Variants in ASIC2 observed in about 807,000 individuals in gnomAD.
The protein encoded by ASIC2 is acid sensing ion channel subunit 2.
In ASIC2, 25 loss-of-function variants were observed where a neutral mutation model predicts 57.3. The ratio of observed to expected loss-of-function variants is 0.44; its 90% CI spans 0.32 to 0.61. The LOEUF (loss-of-function observed/expected upper bound fraction) is 0.61. Ranked by LOEUF, ASIC2 falls within the 20% of genes least tolerant of loss-of-function variation. The probability of loss-of-function intolerance (pLI) is 0.06; values close to 1 mark genes in which losing one functional copy is unlikely to be tolerated. For synonymous variants in ASIC2, 319 were observed against 307.5 expected, an observed-to-expected ratio of 1.04 and a Z score of -0.39; for missense variants, 641 against 738.1, an observed-to-expected ratio of 0.87 and a Z score of 1.52.
chr17:33,829,446 A>G (rs1913037088), intron 1 of ASIC2, among the ~76,000 whole-genome samples: 1 of 152,198 alleles, frequency 6.6e-6, no homozygotes, highest in Admixed American at 6.5e-5. Flanking sequence ...TGTTGTGGAT[A>G]GTCACCTGGG....
At chr17:33,465,409 G>C (rs1479102028) in intron 1 of ASIC2, among the ~76,000 whole-genome samples, 2 of 112,684 alleles carry the variant, frequency 1.8e-5, no homozygotes, top group African/African-American at 3.5e-5. Context: ...GTCTCACTCT[G>C]TCTCCCAGGC....
chr17:33,798,530 G>A (rs923658358), intron 1 of ASIC2, among the ~76,000 whole-genome samples: 5 of 152,194 alleles, frequency 3.3e-5, no homozygotes, highest in Non-Finnish European at 5.9e-5. Context: ...CACAAATCCA[G>A]CACCTGGCTC....
At chr17:33,503,014 C>G (rs996376258) in intron 1 of ASIC2, among the ~76,000 whole-genome samples, 1 of 152,250 alleles carries the variant, frequency 6.6e-6, no homozygotes, top group Non-Finnish European at 1.5e-5. Context: ...TTGATAATAC[C>G]TTGTGATTCA....
intron 1 of ASIC2, among the ~76,000 whole-genome samples, chr17:33,166,536 C>T (rs1437678815): frequency 1.3e-5 from 2 of 152,162 alleles, no homozygotes; most frequent in Non-Finnish European, 2.9e-5. Context: ...CTGAACTCTG[C>T]CCCCTCCCTA....
intron 1 of ASIC2, among the ~76,000 whole-genome samples, chr17:33,875,681 A>G (rs969117547): frequency 2.0e-5 from 3 of 152,148 alleles, no homozygotes; most frequent in Non-Finnish European, 4.4e-5. Flanking sequence ...CCCAACTTCT[A>G]TCTGTGCACT....
intron 1 of ASIC2, among the ~76,000 whole-genome samples, chr17:33,756,879 T>C (rs1177971775): frequency 6.6e-6 from 1 of 152,242 alleles, no homozygotes; most frequent in African/African-American, 2.4e-5. Context: ...TAGGGTCTTA[T>C]AGTTCTGGAC....
chr17:33,893,836 A>G (rs1915022510), intron 1 of ASIC2, among the ~76,000 whole-genome samples: 1 of 152,202 alleles, frequency 6.6e-6, no homozygotes, highest in Admixed American at 6.5e-5. Flanking sequence ...CACTCAACAA[A>G]TATTCCTATT....
intron 1 of ASIC2, among the ~76,000 whole-genome samples, chr17:33,316,096 CT>C (rs1235646928): frequency 6.6e-6 from 1 of 152,210 alleles, no homozygotes; most frequent in Non-Finnish European, 1.5e-5. Context: ...TATTCCCCTT[CT>C]TTTTGCTAGA....
intron 1 of ASIC2, among the ~76,000 whole-genome samples, chr17:33,422,786 A>C (rs947139577): frequency 2.6e-5 from 4 of 152,138 alleles, no homozygotes; most frequent in Non-Finnish European, 1.5e-5. Flanking sequence ...TCCAGCCCAG[A>C]CTCAACCTAT....
intron 1 of ASIC2, among the ~76,000 whole-genome samples, chr17:33,284,933 G>A (rs1905087828): frequency 6.6e-6 from 1 of 152,190 alleles, no homozygotes; most frequent in Non-Finnish European, 1.5e-5. Flanking sequence ...ACTGTTGCAA[G>A]CCTATTTACC....
At chr17:33,610,860 C>G (rs12944758) in intron 1 of ASIC2, among the ~76,000 whole-genome samples, 2 of 151,986 alleles carry the variant, frequency 1.3e-5, no homozygotes, top group African/African-American at 4.8e-5. Context: ...GCACCACTGC[C>G]CTCCAGCCTG....
At chr17:33,521,881 T>A (rs1914751795) in intron 1 of ASIC2, among the ~76,000 whole-genome samples, 1 of 152,156 alleles carries the variant, frequency 6.6e-6, no homozygotes, top group African/African-American at 2.4e-5. Context: ...TTCCTCTGGG[T>A]GTGCATGGCA....
intron 1 of ASIC2, among the ~76,000 whole-genome samples, chr17:33,737,344 C>T (rs1909946904): frequency 6.6e-6 from 1 of 152,266 alleles, no homozygotes. Flanking sequence ...GAATCCAGGA[C>T]CATGACCTCA....
At chr17:33,028,483 C>A in intron 3 of ASIC2, 91 bp from the exon 4 acceptor site, 1 of 1,462,298 alleles carries the variant, frequency 6.8e-7, no homozygotes, top group Non-Finnish European at 9.4e-7. Context: ...AATTATTGAG[C>A]ATTTAAATAC....
intron 1 of ASIC2, among the ~76,000 whole-genome samples, chr17:33,877,607 C>T (rs373753760): frequency 1.3e-4 from 20 of 152,324 alleles, no homozygotes; most frequent in East Asian, 3.9e-4. Flanking sequence ...ACAAAACAGC[C>T]GGGAAGCTCG....
chr17:33,851,033 C>G (rs1288279047), intron 1 of ASIC2, among the ~76,000 whole-genome samples: 1 of 152,130 alleles, frequency 6.6e-6, no homozygotes, highest in Non-Finnish European at 1.5e-5. Flanking sequence ...AGACTTGGTG[C>G]TAGTTTTGTT....
intron 1 of ASIC2, among the ~76,000 whole-genome samples, chr17:33,880,623 C>A (rs1327666992): frequency 6.6e-6 from 1 of 152,112 alleles, no homozygotes; most frequent in African/African-American, 2.4e-5. Flanking sequence ...TAATAGCTTA[C>A]CAACCAAAAA....
At chr17:34,138,881 C>T (rs1912195764) in intron 1 of ASIC2, among the ~76,000 whole-genome samples, 1 of 152,188 alleles carries the variant, frequency 6.6e-6, no homozygotes, top group Non-Finnish European at 1.5e-5. Context: ...GATCACACAA[C>T]CCAATCCTCT....
chr17:33,233,135 C>T (rs2142110289), intron 1 of ASIC2, among the ~76,000 whole-genome samples: 1 of 151,918 alleles, frequency 6.6e-6, no homozygotes, highest in South Asian at 2.1e-4. Flanking sequence ...TGTGCCTGTG[C>T]ACCCCTTGGA....
Sources: gnomAD v4.1 joint callset for allele counts (sites outside exome capture counted in the v4.1 genomes callset) on GRCh38, gnomAD v4.1.1 for gene constraint, MANE v1.5 for transcripts, NCBI Gene and HGNC (gene_info 2026-07-23, HGNC 2026-07-21) for gene names.